Variants in CYLD observed in about 807,000 individuals in gnomAD.
CYLD encodes ubiquitin carboxyl-terminal hydrolase CYLD.
In CYLD, 26 loss-of-function variants were observed where a neutral mutation model predicts 104.5. That is an observed-to-expected ratio of 0.25 (90% confidence interval 0.18 to 0.35). The LOEUF is 0.35. Among genes scored for constraint, CYLD ranks in the 10% least tolerant of loss-of-function variants. The pLI is 1.00. For missense variants in CYLD, 703 were observed against 1,136.1 expected, an observed-to-expected ratio of 0.62 and a Z score of 5.48; for synonymous variants, 385 against 399.9, an observed-to-expected ratio of 0.96 and a Z score of 0.45.
intron 5 of CYLD, among the ~76,000 whole-genome samples, chr16:50,755,128 T>C (rs1967004196): frequency 1.8e-5 from 1 of 56,620 alleles, no homozygotes; most frequent in Non-Finnish European, 3.6e-5. Flanking sequence ...CATGTGTATA[T>C]ATACACACGT....
intron 7 of CYLD, among the ~76,000 whole-genome samples, chr16:50,777,326 CAA>C: frequency 6.6e-6 from 1 of 152,116 alleles, no homozygotes; most frequent in East Asian, 1.9e-4. Context: ...TTGATTTTTT[CAA>C]AGACACAAGG....
rs775325438 is a variant in CYLD, at chr16:50,749,753, C to T, written c.55C>T (p.Arg19Trp). Residue 19 changes from arginine to tryptophan, a missense_variant, in exon 3 of 19, where the codon CGG (arginine) becomes TGG (tryptophan). By Grantham distance (101) the Arg-to-Trp change is moderately radical. This residue lies in a region of CYLD where 142 missense variants were observed against 165.1 expected (regional missense o/e 0.86). Coordinates refer to ENST00000427738, the MANE Select transcript of CYLD (RefSeq NM_001378743.1). ...AGTCACTTCACCCTACTGGGAAGAG[C>T]GGATTTTTTACTTGCTTCTTCAAGA... ...EKVTSPYWEE[R>W]IFYLLLQECS... 18 of 1,613,634 alleles carry T rather than the reference C, an allele frequency of 1.1e-5. No individual in the cohort carries two copies. Among genetic ancestry groups the T allele is most frequent in the South Asian group, 6.6e-5 (6 of 91,050 alleles).
At chr16:50,756,242 G>GA (rs1177794268) in intron 5 of CYLD, among the ~76,000 whole-genome samples, 1 of 152,126 alleles carries the variant, frequency 6.6e-6, no homozygotes, top group Non-Finnish European at 1.5e-5. Flanking sequence ...CTTAGTGGGG[G>GA]AAAAACCCTT....
chr16:50,784,200 GA>G, intron 11 of CYLD, 128 bp from the exon 12 acceptor site: 1 of 1,054,912 alleles, frequency 9.5e-7, no homozygotes, highest in Admixed American at 2.0e-5. Context: ...CTGTGTTAAT[GA>G]AAAACACAAA....
chr16:50,742,222 T>G (rs1965723688), intron 1 of CYLD, 98 bp downstream of exon 1: 1 of 151,346 alleles, frequency 6.6e-6, no homozygotes, highest in Non-Finnish European at 1.5e-5. Context: ...CCGAGGTTAG[T>G]GAATGAGCGG....
intron 5 of CYLD, among the ~76,000 whole-genome samples, chr16:50,758,299 A>G (rs1967501455): frequency 6.6e-6 from 1 of 152,154 alleles, no homozygotes; most frequent in East Asian, 1.9e-4. Flanking sequence ...CAGTTTGAGC[A>G]ATGTGAAGAG....
At chr16:50,793,903 T>C (rs115943959) in intron 17 of CYLD, among the ~76,000 whole-genome samples, 75 of 151,394 alleles carry the variant, frequency 5.0e-4, no homozygotes, top group African/African-American at 1.8e-3. Context: ...ACACATTGAG[T>C]TTCTCTCATT....
intron 5 of CYLD, among the ~76,000 whole-genome samples, chr16:50,757,556 A>T (rs113249449): frequency 0.013 from 1,936 of 145,886 alleles, 47 homozygotes; most frequent in African/African-American, 0.046. Context: ...TTTTTTTTTG[A>T]GACGGGGTCT....
At chr16:50,755,219 G>C (rs772903683) in intron 5 of CYLD, among the ~76,000 whole-genome samples, 2 of 125,744 alleles carry the variant, frequency 1.6e-5, no homozygotes, top group African/African-American at 6.3e-5. Context: ...ATATACACAC[G>C]TGTACATATG....
intron 11 of CYLD, among the ~76,000 whole-genome samples, 172 bp downstream of exon 11, chr16:50,782,638 A>G (rs1970341591): frequency 6.6e-6 from 1 of 152,132 alleles, no homozygotes; most frequent in Non-Finnish European, 1.5e-5. Flanking sequence ...GCTTTTTATG[A>G]CATACTCCTT....
Position 50,793,608 on chromosome 16 carries a change from G to A in CYLD, c.2413G>A (p.Asp805Asn), listed in dbSNP as rs568978023. The change falls in exon 17 of 19, where the codon GAT becomes AAT. Residue 805 changes from aspartate (D) to asparagine (N), a missense_variant. Asp to Asn is a conservative substitution (Grantham distance 23, BLOSUM62 1). Coordinates refer to ENST00000427738, the MANE Select transcript of CYLD (RefSeq NM_001378743.1). ...GTATGAGTGTAGAGAATGCTACGAC[G>A]ATCCGGACATCTCAGCTGGAAAAAT... ...AMYECRECYDDPDISAGKIKQ... is the reference protein window; with the variant it reads ...AMYECRECYDNPDISAGKIKQ... The A allele has an allele frequency of 5.0e-6, 8 of 1,614,044 alleles. No individual in the cohort carries two copies. Among genetic ancestry groups the A allele is most frequent in the African/African-American group, 4.0e-5 (3 of 75,008 alleles).
chr16:50,765,827 A>G (rs1968445408), intron 5 of CYLD, among the ~76,000 whole-genome samples: 1 of 128,836 alleles, frequency 7.8e-6, no homozygotes. Context: ...AATCCAGAGC[A>G]AGGCCCTAAC....
At chr16:50,783,884 A>G (rs1169465635) in intron 11 of CYLD, 1 of 181,844 alleles carries the variant, frequency 5.5e-6, no homozygotes, top group Admixed American at 5.5e-5. Context: ...AAATTTATTA[A>G]TGTAATAGAT....
rs545784490 is a variant in CYLD at position 50,747,685 on chromosome 16, T to C, written c.-123-1891T>C. Among the ~76,000 whole-genome samples, 797 of 152,344 alleles carry C rather than the reference T, an allele frequency of 5.2e-3. 7 individuals are homozygous for C. Among genetic ancestry groups the C allele is most frequent in the African/African-American group, 0.018 (747 of 41,574 alleles). ...GAGTTTTGTTTATATTGTGTCAAGATAGAGGTTTCCACAGGTGTCTTATAT... is the reference window on the plus strand; with the variant it reads ...GAGTTTTGTTTATATTGTGTCAAGACAGAGGTTTCCACAGGTGTCTTATAT... On this transcript the variant is annotated intron_variant, in intron 2 of 18. Transcript: ENST00000427738.
intron 14 of CYLD, among the ~76,000 whole-genome samples, chr16:50,789,600 A>G (rs1337174267): frequency 1.3e-5 from 2 of 152,092 alleles, no homozygotes; most frequent in Admixed American, 6.5e-5. Context: ...ACCTCTTCAT[A>G]TTGAGAATCA....
intron 5 of CYLD, among the ~76,000 whole-genome samples, chr16:50,764,348 A>G (rs866112953): frequency 1.3e-5 from 2 of 152,062 alleles, no homozygotes; most frequent in African/African-American, 4.8e-5. Flanking sequence ...ATCCTTTAAC[A>G]TTTGTTTGTT....
intron 5 of CYLD, among the ~76,000 whole-genome samples, chr16:50,769,347 C>G (rs1199821049): frequency 6.6e-6 from 1 of 152,156 alleles, no homozygotes; most frequent in East Asian, 1.9e-4. Flanking sequence ...ATATCTTTGC[C>G]AACACTTGGT....
chr16:50,776,665 C>G (rs549214501), intron 7 of CYLD, among the ~76,000 whole-genome samples: 17 of 152,148 alleles, frequency 1.1e-4, no homozygotes, highest in Non-Finnish European at 1.9e-4. Context: ...AGATTTGGTA[C>G]AAATTAAATC....
At position 50,793,534 on chromosome 16, in the gene CYLD, C is replaced by T. The variant is rs776304126; in HGVS notation, c.2351-12C>T. 8 of 1,559,890 alleles carry T rather than the reference C, an allele frequency of 5.1e-6. No homozygotes were observed. The East Asian group carries it at 1.3e-4, about 26-fold the overall frequency. ...AGTCCTCTTAACTTCCCTTCCCCTTCTCACATTTCAGCTCCCAGACAGTGC... is the reference window on the plus strand; with the variant it reads ...AGTCCTCTTAACTTCCCTTCCCCTTTTCACATTTCAGCTCCCAGACAGTGC... On this transcript the variant is annotated splice_polypyrimidine_tract_variant and intron_variant, in intron 16 of 18. Transcript: ENST00000427738.
Sources: allele counts gnomAD v4.1 joint callset (sites outside exome capture counted in the v4.1 genomes callset), GRCh38; gene constraint gnomAD v4.1.1; regional missense constraint gnomAD v4.1.1; transcripts MANE v1.5; gene names NCBI Gene and HGNC (gene_info 2026-07-23, HGNC 2026-07-21).